PRR16: variants seen among roughly 807,000 people sequenced by gnomAD.
PRR16 encodes protein Largen.
PRR16 carries 6 observed loss-of-function variants against 18.2 expected under a neutral mutation model. The ratio of observed to expected loss-of-function variants is 0.33; its 90% CI spans 0.18 to 0.65. PRR16 has a LOEUF of 0.65. Among genes scored for constraint, PRR16 ranks in the 30% least tolerant of loss-of-function variants. The probability of loss-of-function intolerance (pLI) is 0.74; values close to 1 mark genes in which losing one functional copy is unlikely to be tolerated. For synonymous variants in PRR16, 151 were observed against 147.8 expected, an observed-to-expected ratio of 1.02 and a Z score of -0.16; for missense variants, 412 against 376.6, an observed-to-expected ratio of 1.09 and a Z score of -0.78.
At chr5:120,518,822 T>C (rs1751080277) in intron 1 of PRR16, among the ~76,000 whole-genome samples, 1 of 152,144 alleles carries the variant, frequency 6.6e-6, no homozygotes, top group African/African-American at 2.4e-5. Context: ...CTTGCCTCTT[T>C]TCCCCTTCTT....
At chr5:120,732,914 G>A in the PRR16 span, among the ~76,000 whole-genome samples, 2 of 152,156 alleles carry the variant, frequency 1.3e-5, no homozygotes, top group Admixed American at 6.5e-5. Flanking sequence ...GAGGCTCAGA[G>A]TAAGAGATGA....
intron 1 of PRR16, among the ~76,000 whole-genome samples, chr5:120,606,045 A>G (rs1754143958): frequency 6.6e-6 from 1 of 152,122 alleles, no homozygotes; most frequent in South Asian, 2.1e-4. Context: ...GTGGTGGGGC[A>G]GTTGTGGGTG....
At chr5:120,629,804 A>G (rs1416212678) in intron 1 of PRR16, among the ~76,000 whole-genome samples, 3 of 152,210 alleles carry the variant, frequency 2.0e-5, no homozygotes, top group South Asian at 2.1e-4. Context: ...ACTACTGGGC[A>G]TAGGACTCTA....
chr5:120,761,212 A>T, the PRR16 span, among the ~76,000 whole-genome samples: 32 of 151,878 alleles, frequency 2.1e-4, 1 homozygote, highest in Middle Eastern at 0.01. Flanking sequence ...GGTTCCCTCC[A>T]TATCTTCTGT....
chr5:120,754,912 C>G, the PRR16 span, among the ~76,000 whole-genome samples: 8 of 151,216 alleles, frequency 5.3e-5, no homozygotes, highest in African/African-American at 1.9e-4. Flanking sequence ...CTTGATAATG[C>G]TATAGAAAAT....
At chr5:120,765,506 A>G in the PRR16 span, among the ~76,000 whole-genome samples, 1 of 152,092 alleles carries the variant, frequency 6.6e-6, no homozygotes, top group African/African-American at 2.4e-5. Flanking sequence ...TTTCATTTAA[A>G]AGAACATTTT....
rs527750106 is a variant in PRR16 at position 120,529,106 on chromosome 5, A to G, written c.159+64461A>G. ...ATTAGTTCTTAATATGTATTAGAACAGTACACTTCCATTGATGAAGAACAA... is the reference window on the plus strand; with the variant it reads ...ATTAGTTCTTAATATGTATTAGAACGGTACACTTCCATTGATGAAGAACAA... On this transcript the variant is annotated intron_variant, in intron 1 of 1. Coordinates refer to ENST00000407149, the MANE Select transcript of PRR16 (RefSeq NM_001300783.2). 7.9e-5 allele frequency among the ~76,000 whole-genome samples: 12 copies of G among 152,304 alleles called. 1 individual carries two copies. The South Asian group carries it at 2.5e-3, about 32-fold the overall frequency.
intron 1 of PRR16, among the ~76,000 whole-genome samples, chr5:120,489,941 G>T (rs1483071148): frequency 2.0e-5 from 3 of 152,116 alleles, no homozygotes; most frequent in Non-Finnish European, 4.4e-5. Context: ...GAAATTCTGG[G>T]TTGAAAATTC....
chr5:120,697,887 C>T, the PRR16 span, among the ~76,000 whole-genome samples: 1 of 152,004 alleles, frequency 6.6e-6, no homozygotes, highest in Non-Finnish European at 1.5e-5. Flanking sequence ...GAAGTATTTA[C>T]ACTTCTTTTG....
intron 1 of PRR16, among the ~76,000 whole-genome samples, chr5:120,680,269 A>G (rs991077619): frequency 1.6e-4 from 24 of 152,128 alleles, no homozygotes; most frequent in African/African-American, 5.3e-4. Flanking sequence ...ATTTCCAGGT[A>G]TTAACTAAAC....
the PRR16 span, among the ~76,000 whole-genome samples, chr5:120,717,601 C>G: frequency 6.6e-6 from 1 of 152,128 alleles, no homozygotes. Context: ...CAGTCCTTTT[C>G]TTCTTGCCTG....
chr5:120,659,353 T>C (rs904247240), intron 1 of PRR16, among the ~76,000 whole-genome samples: 3 of 152,016 alleles, frequency 2.0e-5, no homozygotes, highest in Non-Finnish European at 4.4e-5. Context: ...TTCTCTGTAA[T>C]TGGATAATTT....
chr5:120,578,842 G>A (rs1253496340), intron 1 of PRR16, among the ~76,000 whole-genome samples: 1 of 152,052 alleles, frequency 6.6e-6, no homozygotes, highest in African/African-American at 2.4e-5. Context: ...CACAAGGGTG[G>A]AACTAATTTA....
chr5:120,556,124 A>G (rs1280313910), intron 1 of PRR16, among the ~76,000 whole-genome samples: 2 of 151,606 alleles, frequency 1.3e-5, no homozygotes, highest in Non-Finnish European at 2.9e-5. Flanking sequence ...ACTCCAAAAC[A>G]TACAGAAAGC....
chr5:120,491,017 T>C (rs1750015963), intron 1 of PRR16, among the ~76,000 whole-genome samples: 1 of 152,184 alleles, frequency 6.6e-6, no homozygotes. Context: ...TCTGGAAGTT[T>C]TGTCTCAGAG....
chr5:120,582,905 AC>A (rs1428491947), intron 1 of PRR16, among the ~76,000 whole-genome samples: 3 of 152,230 alleles, frequency 2.0e-5, no homozygotes, highest in Non-Finnish European at 1.5e-5. Flanking sequence ...GTGGCTTGAA[AC>A]AGCAATAATC....
intron 1 of PRR16, among the ~76,000 whole-genome samples, chr5:120,555,734 T>C (rs941995301): frequency 6.6e-6 from 1 of 151,464 alleles, no homozygotes; most frequent in African/African-American, 2.4e-5. Context: ...ATAAGGCCTA[T>C]CTATAAAATG....
At chr5:120,644,052 G>A (rs982362660) in intron 1 of PRR16, among the ~76,000 whole-genome samples, 1 of 151,986 alleles carries the variant, frequency 6.6e-6, no homozygotes, top group African/African-American at 2.4e-5. Flanking sequence ...AGATGAGGAC[G>A]TAGAACTCCC....
At chr5:120,754,406 C>CTATATACTATATACTATATAATATATAG in the PRR16 span, among the ~76,000 whole-genome samples, 1 of 38,524 alleles carries the variant, frequency 2.6e-5, no homozygotes, top group Non-Finnish European at 4.2e-5. Flanking sequence ...ATATATTATA[C>CTATATACTATATACTATATAATATATAG]TATATACTAT....
Sources: allele counts gnomAD v4.1 joint callset (sites outside exome capture counted in the v4.1 genomes callset), GRCh38; gene constraint gnomAD v4.1.1; transcripts MANE v1.5; gene names NCBI Gene and HGNC (gene_info 2026-07-23, HGNC 2026-07-21).